Variants in PPP1R1C observed in about 807,000 individuals in gnomAD.
The protein encoded by PPP1R1C is protein phosphatase 1 regulatory inhibitor subunit 1C.
A neutral mutation model predicts 17.4 loss-of-function variants in PPP1R1C; 15 were observed. The observed-to-expected ratio is 0.86, with a 90% CI of 0.58 to 1.33. PPP1R1C has a LOEUF of 1.33. PPP1R1C is among the 40% of genes most tolerant of loss of function. The pLI, the probability that PPP1R1C is intolerant of heterozygous loss-of-function variation, is 0.00. For synonymous variants in PPP1R1C, 35 were observed against 43.1 expected, an observed-to-expected ratio of 0.81 and a Z score of 0.73; for missense variants, 143 against 130.0, an observed-to-expected ratio of 1.10 and a Z score of -0.48.
At chr2:182,001,703 A>G (rs1045419224) in intron 2 of PPP1R1C, among the ~76,000 whole-genome samples, 1 of 152,188 alleles carries the variant, frequency 6.6e-6, no homozygotes, top group Non-Finnish European at 1.5e-5. Flanking sequence ...CCCTCCAGTC[A>G]GTACTGAAAA....
chr2:181,982,120 C>A (rs1393245502), upstream of PPP1R1C, among the ~76,000 whole-genome samples: 1 of 152,050 alleles, frequency 6.6e-6, no homozygotes, highest in Admixed American at 6.5e-5. Context: ...TTTGCTTTTC[C>A]CTCTCCACCC....
chr2:181,995,286 G>A (rs1395385083), intron 2 of PPP1R1C, among the ~76,000 whole-genome samples: 1 of 152,136 alleles, frequency 6.6e-6, no homozygotes, highest in African/African-American at 2.4e-5. Flanking sequence ...GATTACTTTG[G>A]GGAGGCAGAC....
intron 4 of PPP1R1C, among the ~76,000 whole-genome samples, chr2:182,089,186 A>G (rs1688713597): frequency 6.6e-6 from 1 of 152,252 alleles, no homozygotes; most frequent in African/African-American, 2.4e-5. Context: ...ATTCTGAAAT[A>G]GATCCCAGCT....
intron 4 of PPP1R1C, among the ~76,000 whole-genome samples, chr2:182,112,271 G>T (rs1160183802): frequency 1.3e-5 from 2 of 152,028 alleles, no homozygotes; most frequent in Admixed American, 6.6e-5. Flanking sequence ...CCAGAGTTCA[G>T]TCCAGGTTTG....
intron 2 of PPP1R1C, among the ~76,000 whole-genome samples, chr2:182,041,759 T>C (rs1174700083): frequency 2.6e-5 from 4 of 151,884 alleles, no homozygotes; most frequent in African/African-American, 7.3e-5. Flanking sequence ...TCATATAACA[T>C]ACGTCCGTAT....
intron 4 of PPP1R1C, among the ~76,000 whole-genome samples, chr2:182,116,753 A>G (rs1189773743): frequency 3.9e-5 from 6 of 152,210 alleles, no homozygotes; most frequent in East Asian, 1.9e-4. Context: ...AGGTTCTGAA[A>G]GAAGATTCAC....
At chr2:181,991,872 AT>A (rs1013503891) in intron 2 of PPP1R1C, among the ~76,000 whole-genome samples, 8 of 151,388 alleles carry the variant, frequency 5.3e-5, no homozygotes, top group African/African-American at 1.5e-4. Flanking sequence ...GTTCCTATAT[AT>A]TTTTTTTTAT....
intron 2 of PPP1R1C, among the ~76,000 whole-genome samples, chr2:182,045,914 T>C (rs562047067): frequency 1.6e-4 from 25 of 152,266 alleles, no homozygotes; most frequent in African/African-American, 6.0e-4. Context: ...TTTATAAGAA[T>C]ACAATGAAAC....
At chr2:181,954,751 T>G (rs1574336269) in intron 1 of PPP1R1C, 2 of 152,270 alleles carry the variant, frequency 1.3e-5, no homozygotes, top group African/African-American at 4.8e-5. Context: ...GTTAACATTT[T>G]ATTGCCATTT....
At chr2:182,044,268 T>TTGGAAC (rs757837400) in intron 2 of PPP1R1C, among the ~76,000 whole-genome samples, 3 of 152,206 alleles carry the variant, frequency 2.0e-5, no homozygotes, top group Non-Finnish European at 4.4e-5. Flanking sequence ...TCATTGGTTT[T>TTGGAAC]CCATCACTTT....
At chr2:182,098,787 T>G (rs1483989759) in intron 4 of PPP1R1C, among the ~76,000 whole-genome samples, 1 of 152,214 alleles carries the variant, frequency 6.6e-6, no homozygotes, top group Non-Finnish European at 1.5e-5. Flanking sequence ...TATGTCTGCC[T>G]TATTCCAAAG....
chr2:182,044,383 C>T (rs1219848943), intron 2 of PPP1R1C, among the ~76,000 whole-genome samples: 1 of 152,008 alleles, frequency 6.6e-6, no homozygotes, highest in African/African-American at 2.4e-5. Flanking sequence ...TTCTATAGTC[C>T]AAATATTTGA....
At chr2:182,105,151 T>A (rs1044176995) in intron 4 of PPP1R1C, among the ~76,000 whole-genome samples, 1 of 152,150 alleles carries the variant, frequency 6.6e-6, no homozygotes, top group Non-Finnish European at 1.5e-5. Context: ...TATTAGTAGA[T>A]TTGGCCAGGC....
chr2:182,098,807 C>A (rs1283682105), intron 4 of PPP1R1C, among the ~76,000 whole-genome samples: 2 of 152,110 alleles, frequency 1.3e-5, no homozygotes, highest in African/African-American at 2.4e-5. Flanking sequence ...GTAAGCCCTA[C>A]AAATAGAAAA....
intron 2 of PPP1R1C, chr2:182,024,024 G>A (rs1021223776): frequency 5.9e-5 from 9 of 152,030 alleles, no homozygotes; most frequent in Non-Finnish European, 1.2e-4. Flanking sequence ...AATATGGTAG[G>A]AGCAATATCC....
At chr2:181,983,943 A>G (rs1685240474), upstream of PPP1R1C, among the ~76,000 whole-genome samples, 1 of 152,310 alleles carries the variant, frequency 6.6e-6, no homozygotes, top group East Asian at 1.9e-4. Flanking sequence ...CCCATTTACA[A>G]TATTGTCTCT....
rs540043682 is a variant in PPP1R1C at position 181,976,494 on chromosome 2, G to A, written n.157+1230G>A. Reference sequence around the variant, plus strand: ...ATTTATTCATTTATTTATTTATATCGTTGAGTAAGAGGATCATACCTATAA... The same window carrying A: ...ATTTATTCATTTATTTATTTATATCATTGAGTAAGAGGATCATACCTATAA... On this transcript the variant is annotated intron_variant and non_coding_transcript_variant, in intron 2 of 5. Coordinates refer to the PPP1R1C transcript ENST00000464264. This position sits in a 1 kb window ranked among gnomAD's most constrained non-coding sequence, Gnocchi z 4.8. Among the ~76,000 whole-genome samples the A allele has an allele frequency of 9.9e-5, 15 of 152,046 alleles. No homozygotes were observed. Among genetic ancestry groups the A allele is most frequent in the East Asian group, 3.9e-4 (2 of 5,184 alleles).
At chr2:181,980,779 A>G (rs1685177751) in intron 2 of PPP1R1C, among the ~76,000 whole-genome samples, 1 of 152,222 alleles carries the variant, frequency 6.6e-6, no homozygotes, top group African/African-American at 2.4e-5. Flanking sequence ...GAGAAAAAAA[A>G]TACTGAGTAT....
Position 182,093,341 on chromosome 2 carries a change from C to T in PPP1R1C, c.242-23866C>T, listed in dbSNP as rs542663674. Among the ~76,000 whole-genome samples the T allele has an allele frequency of 3.7e-3, 566 of 152,182 alleles. 4 individuals are homozygous for T. Among genetic ancestry groups the T allele is most frequent in the Non-Finnish European group, 3.6e-3 (244 of 67,992 alleles). ...GCATGGAGACCCTGGACCTGGCCCA[C>T]GAAACCACTTTTTCCTCCAGGAAAA... On this transcript the variant is annotated intron_variant, in intron 4 of 4. Coordinates refer to ENST00000682840, the MANE Select transcript of PPP1R1C (RefSeq NM_001080545.3).
Sources: allele counts gnomAD v4.1 joint callset (sites outside exome capture counted in the v4.1 genomes callset), GRCh38; gene constraint gnomAD v4.1.1; non-coding constraint Gnocchi (gnomAD v3.1); transcripts MANE v1.5; gene names NCBI Gene and HGNC (gene_info 2026-07-23, HGNC 2026-07-21).